Variants in PRKRIP1 observed in about 807,000 individuals in gnomAD.
PRKRIP1 encodes PRKR interacting protein 1, also known as PRKR-interacting protein 1.
A neutral mutation model predicts 29.3 loss-of-function variants in PRKRIP1; 29 were observed. That is an observed-to-expected ratio of 0.99 (90% CI 0.74 to 1.35). PRKRIP1 has a LOEUF of 1.35. PRKRIP1 is among the 40% of genes most tolerant of loss of function. The probability of loss-of-function intolerance (pLI) is 0.00; values close to 1 mark genes in which losing one functional copy is unlikely to be tolerated. For missense variants in PRKRIP1, 247 were observed against 236.8 expected (o/e 1.04, Z -0.28); for synonymous variants, 90 against 85.1 (o/e 1.06, Z -0.32).
At position 102,404,731 on chromosome 7, in the gene PRKRIP1, TGGC is replaced by T. The variant is rs1554571644; in HGVS notation, c.392+49_392+51del. On this transcript the variant is annotated intron_variant, in intron 4 of 5. Transcript: ENST00000397912. ...GATGACACTTAAGGGCCAGGGGTGGTGGCTGGGTGAGCTGTCCTTGCAGTCAGT... is the reference window on the plus strand; with the variant it reads ...GATGACACTTAAGGGCCAGGGGTGGTTGGGTGAGCTGTCCTTGCAGTCAGT... The T allele has an allele frequency of 2.7e-6, 4 of 1,472,484 alleles. No individual in the cohort carries two copies. In the East Asian group the frequency reaches 6.8e-5, roughly 25 times the overall value. 91.2% of individuals were successfully genotyped at this position (1,472,484 alleles called of 1,614,324 possible).
At chr7:102,419,406 T>TC (rs1554573487) in intron 5 of PRKRIP1, among the ~76,000 whole-genome samples, 1 of 151,946 alleles carries the variant, frequency 6.6e-6, no homozygotes, top group Admixed American at 6.6e-5. Flanking sequence ...AGAATGAGAC[T>TC]CCGTCTAAAA....
At position 102,396,389 on chromosome 7, in the gene PRKRIP1, G is replaced by C. The variant is rs1416621261; in HGVS notation, c.-23G>C. 4 of 1,523,554 alleles carry C rather than the reference G, an allele frequency of 2.6e-6. No homozygotes were observed. The highest frequency in any genetic ancestry group is 2.4e-5 in the East Asian group (1 of 41,084). 94.4% of individuals were successfully genotyped at this position (1,523,554 alleles called of 1,614,324 possible). A position where few individuals can be genotyped will look rare whatever the true frequency, so the allele number is the denominator to read the frequency against. On this transcript the variant is annotated 5_prime_UTR_variant, in exon 1 of 6. Transcript: ENST00000397912. Reference sequence around the variant, plus strand: ...TACTTGCGCGCCGACGCCGCCGCTCGCTTGTGAAACTGGAAGGCTGCCATG... The same window carrying C: ...TACTTGCGCGCCGACGCCGCCGCTCCCTTGTGAAACTGGAAGGCTGCCATG...
At chr7:102,410,080 C>T (rs1554572352) in intron 5 of PRKRIP1, among the ~76,000 whole-genome samples, 1 of 152,156 alleles carries the variant, frequency 6.6e-6, no homozygotes, top group East Asian at 1.9e-4. Flanking sequence ...CCAGTCTTTG[C>T]CTAGGAGCTC....
Position 102,399,141 on chromosome 7 carries a change from A to G in PRKRIP1, c.206-407A>G, listed in dbSNP as rs1203716907. ...TGTCTCAAAAAAAAGAAAAAAGCTG[A>G]AGAAAAAACACTTTTACAAAAATAT... On this transcript the variant is annotated intron_variant, in intron 2 of 5. Transcript: ENST00000397912. 3.3e-5 allele frequency among the ~76,000 whole-genome samples: 5 copies of G among 152,224 alleles called. No homozygotes were observed. In the South Asian group the frequency reaches 6.2e-4, roughly 19 times the overall value.
At chr7:102,415,056 A>G (rs1035267481) in intron 5 of PRKRIP1, among the ~76,000 whole-genome samples, 3 of 152,162 alleles carry the variant, frequency 2.0e-5, no homozygotes, top group Admixed American at 6.5e-5. Context: ...CACTCTCACC[A>G]TATCCTCAAC....
chr7:102,399,328 T>G (rs1157046276), intron 2 of PRKRIP1, among the ~76,000 whole-genome samples: 1 of 152,004 alleles, frequency 6.6e-6, no homozygotes, highest in Non-Finnish European at 1.5e-5. Context: ...TGCATTTGAG[T>G]GGGATTTTTA....
chr7:102,408,025 T>C (rs1358037426), intron 5 of PRKRIP1, among the ~76,000 whole-genome samples: 1 of 151,220 alleles, frequency 6.6e-6, no homozygotes, highest in Non-Finnish European at 1.5e-5. Flanking sequence ...CCACGAGGAG[T>C]TGGTTGTTTT....
intron 5 of PRKRIP1, among the ~76,000 whole-genome samples, chr7:102,422,175 T>TTAC (rs1193045617): frequency 4.1e-5 from 5 of 121,736 alleles, no homozygotes; most frequent in African/African-American, 1.6e-4. Context: ...ATTATTATTA[T>TTAC]TATGATTATT....
chr7:102,404,964 T>A (rs1796175413), intron 4 of PRKRIP1, among the ~76,000 whole-genome samples: 1 of 151,780 alleles, frequency 6.6e-6, no homozygotes, highest in African/African-American at 2.4e-5. Context: ...TCTCACTGTG[T>A]CCCCCAGGCT....
chr7:102,419,585 G>A (rs1796637832), intron 5 of PRKRIP1, among the ~76,000 whole-genome samples: 1 of 152,068 alleles, frequency 6.6e-6, no homozygotes, highest in African/African-American at 2.4e-5. Context: ...CCCAGCCCCT[G>A]GCAGCTGTTT....
intron 4 of PRKRIP1, chr7:102,405,655 T>G: frequency 1.3e-5 from 2 of 157,150 alleles, no homozygotes; most frequent in African/African-American, 4.8e-5. Context: ...TGAGGTTGCT[T>G]TGCCTCAGGG....
intron 1 of PRKRIP1, 33 bp from the exon 2 acceptor site, chr7:102,397,587 A>G (rs1554570571): frequency 6.4e-7 from 1 of 1,572,956 alleles, no homozygotes; most frequent in Admixed American, 1.7e-5. Context: ...CAACAGGTTT[A>G]TACTTAAATG....
chr7:102,404,997 G>A (rs184834614), intron 4 of PRKRIP1, among the ~76,000 whole-genome samples: 67 of 152,020 alleles, frequency 4.4e-4, no homozygotes, highest in African/African-American at 1.6e-3. Context: ...CACAATCTCG[G>A]CTCACTGCAA....
At chr7:102,419,630 A>G (rs1234852801) in intron 5 of PRKRIP1, among the ~76,000 whole-genome samples, 1 of 152,016 alleles carries the variant, frequency 6.6e-6, no homozygotes, top group Non-Finnish European at 1.5e-5. Flanking sequence ...CCACACTGTC[A>G]TAGAGTCGGA....
At chr7:102,412,701 T>C (rs552672073) in intron 5 of PRKRIP1, among the ~76,000 whole-genome samples, 23 of 152,308 alleles carry the variant, frequency 1.5e-4, no homozygotes, top group Non-Finnish European at 2.9e-4. Flanking sequence ...AAGGTGGCTT[T>C]GGTGCGCCGT....
intron 1 of PRKRIP1, 48 bp downstream of exon 1, chr7:102,396,585 C>T (rs782398866): frequency 6.3e-6 from 10 of 1,575,456 alleles, no homozygotes; most frequent in East Asian, 4.7e-5. Flanking sequence ...CCACCCCCTT[C>T]CTCTGCAGCG....
intron 5 of PRKRIP1, among the ~76,000 whole-genome samples, chr7:102,407,967 G>A (rs557716525): frequency 2.2e-4 from 33 of 152,270 alleles, no homozygotes; most frequent in African/African-American, 7.7e-4. Context: ...GGTCAGGTAA[G>A]AATGCTTTTG....
intron 5 of PRKRIP1, among the ~76,000 whole-genome samples, chr7:102,412,823 C>T (rs192776032): frequency 4.6e-5 from 7 of 152,270 alleles, no homozygotes; most frequent in East Asian, 1.9e-4. Flanking sequence ...GACATCTCAC[C>T]GCTTGTTTTC....
At chr7:102,416,916 C>A (rs782296794) in intron 5 of PRKRIP1, among the ~76,000 whole-genome samples, 6 of 151,790 alleles carry the variant, frequency 4.0e-5, no homozygotes, top group Non-Finnish European at 7.4e-5. Flanking sequence ...AGTGTGGTGG[C>A]GCGATCTTGG....
Sources: allele counts gnomAD v4.1 joint callset (sites outside exome capture counted in the v4.1 genomes callset), GRCh38; gene constraint gnomAD v4.1.1; transcripts MANE v1.5; gene names NCBI Gene and HGNC (gene_info 2026-07-23, HGNC 2026-07-21).